RYR3: variants seen among roughly 807,000 people sequenced by gnomAD.
RYR3 encodes brain ryanodine receptor-calcium release channel.
RYR3 carries 207 observed loss-of-function variants against 584.3 expected under a neutral mutation model. The ratio of observed to expected loss-of-function variants is 0.35; its 90% CI spans 0.32 to 0.40. The LOEUF (loss-of-function observed/expected upper bound fraction) is 0.40, where lower values mean the gene tolerates loss of function less well. Among genes scored for constraint, RYR3 ranks in the 10% least tolerant of loss-of-function variants. The pLI is 1.00. For missense variants in RYR3, 5,616 were observed against 6,089.2 expected, an observed-to-expected ratio of 0.92 and a Z score of 2.59; for synonymous variants, 2,416 against 2,248.5, an observed-to-expected ratio of 1.07 and a Z score of -2.11.
chr15:33,774,965 T>C, intron 64 of RYR3, among the ~76,000 whole-genome samples: 1 of 152,294 alleles, frequency 6.6e-6, no homozygotes, highest in East Asian at 1.9e-4. Context: ...TATATAAGTA[T>C]ACATTCACTC....
chr15:33,523,819 A>C (rs979785022), intron 3 of RYR3, among the ~76,000 whole-genome samples: 1 of 152,170 alleles, frequency 6.6e-6, no homozygotes, highest in Non-Finnish European at 1.5e-5. Flanking sequence ...TTTACTTTGG[A>C]GTCTGGAGCT....
At chr15:33,459,346 C>T (rs1462369066) in intron 1 of RYR3, among the ~76,000 whole-genome samples, 2 of 152,176 alleles carry the variant, frequency 1.3e-5, no homozygotes, top group Non-Finnish European at 2.9e-5. Context: ...ATCCTGGAGA[C>T]CTGGGGTTCC....
intron 1 of RYR3, among the ~76,000 whole-genome samples, chr15:33,392,540 T>C (rs2042069284): frequency 6.6e-6 from 1 of 151,998 alleles, no homozygotes; most frequent in African/African-American, 2.4e-5. Context: ...AGAGTTGTTC[T>C]AACTGAGGGG....
At chr15:33,706,252 C>A (rs1439290452) in intron 42 of RYR3, among the ~76,000 whole-genome samples, 1 of 152,062 alleles carries the variant, frequency 6.6e-6, no homozygotes, top group Non-Finnish European at 1.5e-5. Context: ...AATTTACTAT[C>A]TTGATCATTT....
intron 32 of RYR3, among the ~76,000 whole-genome samples, chr15:33,657,703 T>C (rs2062902283): frequency 6.6e-6 from 1 of 152,248 alleles, no homozygotes. Flanking sequence ...CAGGCAGTAC[T>C]AGCAGTCTAC....
chr15:33,738,690 C>T (rs1239547188), intron 50 of RYR3, 100 bp downstream of exon 50: 4 of 1,349,294 alleles, frequency 3.0e-6, no homozygotes, highest in South Asian at 2.6e-5. Context: ...TTTGCCAGGA[C>T]CTGTGCTAAG....
intron 16 of RYR3, 73 bp downstream of exon 16, chr15:33,586,189 A>G (rs1322791132): frequency 1.1e-6 from 1 of 879,740 alleles, no homozygotes; most frequent in Non-Finnish European, 1.9e-6. Flanking sequence ...ATTGTGTTTT[A>G]CTGAGAGCAT....
At chr15:33,809,223 C>A (rs542589340) in intron 70 of RYR3, among the ~76,000 whole-genome samples, 1 of 152,318 alleles carries the variant, frequency 6.6e-6, no homozygotes, top group Non-Finnish European at 1.5e-5. Context: ...CCAGGGGAGG[C>A]ATCTGGCGTG....
intron 2 of RYR3, among the ~76,000 whole-genome samples, chr15:33,492,713 A>C (rs561248680): frequency 6.6e-6 from 1 of 152,312 alleles, no homozygotes; most frequent in East Asian, 1.9e-4. Context: ...TCCCAAAGTG[A>C]TAAATGATGC....
intron 1 of RYR3, among the ~76,000 whole-genome samples, chr15:33,385,218 T>C (rs888409234): frequency 2.6e-5 from 4 of 151,410 alleles, no homozygotes; most frequent in African/African-American, 4.8e-5. Flanking sequence ...TTAATAAGTG[T>C]TTATTGATTA....
intron 18 of RYR3, among the ~76,000 whole-genome samples, chr15:33,612,147 T>C (rs1158605971): frequency 3.3e-5 from 5 of 152,124 alleles, no homozygotes; most frequent in South Asian, 2.1e-4. Flanking sequence ...ATTATTAATA[T>C]TTACTTTTAG....
chr15:33,593,784 T>C (rs931579068), intron 16 of RYR3, among the ~76,000 whole-genome samples: 14 of 152,184 alleles, frequency 9.2e-5, no homozygotes, highest in African/African-American at 3.4e-4. Flanking sequence ...CAGACCAGAA[T>C]CTAACAACAG....
At chr15:33,605,177 T>TG (rs1345657174) in intron 18 of RYR3, among the ~76,000 whole-genome samples, 1 of 152,214 alleles carries the variant, frequency 6.6e-6, no homozygotes, top group Non-Finnish European at 1.5e-5. Context: ...CAGCACTGCA[T>TG]GGGGCACTTA....
At chr15:33,415,306 C>T (rs1325608113) in intron 1 of RYR3, among the ~76,000 whole-genome samples, 1 of 152,098 alleles carries the variant, frequency 6.6e-6, no homozygotes, top group Non-Finnish European at 1.5e-5. Context: ...CAGTGTATTT[C>T]TATAGGACAG....
At chr15:33,393,019 A>G (rs2042097011) in intron 1 of RYR3, among the ~76,000 whole-genome samples, 1 of 152,210 alleles carries the variant, frequency 6.6e-6, no homozygotes, top group Non-Finnish European at 1.5e-5. Context: ...TAGATTTGGA[A>G]ATTCTGAAAA....
Position 33,631,202 on chromosome 15 carries a change from T to A in RYR3, c.2784-8T>A. ...TAACCTTAGTCTTCTCCTTCTGTTG[T>A]GTCACAGAACCCTCTTGGCCCTGGG... is the stretch of plus-strand genomic sequence containing the variant. On this transcript the variant is annotated splice_region_variant and splice_polypyrimidine_tract_variant and intron_variant, in intron 22 of 103. Transcript: ENST00000634891. The A allele has an allele frequency of 6.4e-7, 1 of 1,551,228 alleles. No homozygotes were observed. The highest frequency in any genetic ancestry group is 8.8e-7 in the Non-Finnish European group (1 of 1,138,254).
chr15:33,632,349 A>G (rs1235630149), intron 23 of RYR3, among the ~76,000 whole-genome samples: 2 of 152,226 alleles, frequency 1.3e-5, no homozygotes, highest in African/African-American at 4.8e-5. Context: ...CGATGTGTCT[A>G]CATAGAGCTC....
At chr15:33,864,330 A>C (rs1313345559) in intron 103 of RYR3, 141 bp downstream of exon 103, 3 of 646,554 alleles carry the variant, frequency 4.6e-6, no homozygotes, top group Non-Finnish European at 7.9e-6. Flanking sequence ...TTTGTGACTC[A>C]ATAAGAAGCC....
intron 19 of RYR3, among the ~76,000 whole-genome samples, chr15:33,617,762 T>TCGAAGAGCAAAGCTACA (rs1405356298): frequency 8.3e-6 from 1 of 119,994 alleles, no homozygotes; most frequent in Non-Finnish European, 1.8e-5. Context: ...CCAGCCGTCA[T>TCGAAGAGCAAAGCTACA]CGAAGAGCAA....
Sources: allele counts gnomAD v4.1 joint callset (sites outside exome capture counted in the v4.1 genomes callset), GRCh38; gene constraint gnomAD v4.1.1; transcripts MANE v1.5; gene names NCBI Gene and HGNC (gene_info 2026-07-23, HGNC 2026-07-21).